Variants in PCLO observed in about 807,000 individuals in gnomAD.
PCLO encodes protein piccolo.
A neutral mutation model predicts 427.5 loss-of-function variants in PCLO; 82 were observed. The ratio of observed to expected loss-of-function variants is 0.19; its 90% CI spans 0.16 to 0.23. The LOEUF is 0.23. Among genes scored for constraint, PCLO ranks in the 10% least tolerant of loss-of-function variants. PCLO has a pLI of 1.00. For synonymous variants in PCLO, 2,357 were observed against 2,155.4 expected (o/e 1.09, Z -2.59); for missense variants, 6,239 against 6,115.9 (o/e 1.02, Z -0.67).
chr7:82,800,317 A>C (rs1034036578), intron 22 of PCLO, among the ~76,000 whole-genome samples: 1 of 152,194 alleles, frequency 6.6e-6, no homozygotes, highest in Non-Finnish European at 1.5e-5. Context: ...ATTGAAACCT[A>C]AACCTGTTTC....
chr7:83,137,265 A>G (rs1791752470), intron 2 of PCLO, among the ~76,000 whole-genome samples: 1 of 152,232 alleles, frequency 6.6e-6, no homozygotes, highest in Admixed American at 6.5e-5. Flanking sequence ...CAGTATCACA[A>G]GGCTTATTTT....
In PCLO at chr7:82,966,201, T is replaced by C. The variant is rs757396529; in HGVS notation, c.3587A>G (p.Glu1196Gly). The change falls in exon 4 of 25, where the codon GAA becomes GGA. Residue 1196 changes from glutamate (E) to glycine (G), a missense_variant. By Grantham distance (98) the Glu-to-Gly change is moderately conservative (BLOSUM62 -2). Around this residue, in one of 5 missense-constraint regions of PCLO, gnomAD observed 4,677 missense variants for 4,468.4 expected, o/e 1.05. Transcript: ENST00000333891. ...PPMVTTDQKQ[E>G]ESKLEKDKAS... ...TTTGTCTTTCTCTAGTTTACTCTCT[T>C]CTTGTTTTTGATCTGTGGTTACCAT... is the stretch of plus-strand genomic sequence containing the variant. The C allele has an allele frequency of 3.7e-6, 6 of 1,611,494 alleles. No homozygotes were observed. Among genetic ancestry groups the C allele is most frequent in the Non-Finnish European group, 5.1e-6 (6 of 1,179,388 alleles).
At position 82,955,747 on chromosome 7, in the gene PCLO, A is replaced by G. The variant is rs975652838; in HGVS notation, c.5206T>C (p.Ser1736Pro). Residue 1736 changes from serine to proline, a missense_variant, in exon 5 of 25, where the codon TCA becomes CCA. By Grantham distance (74) the Ser-to-Pro change is moderately conservative. Around this residue, in one of 5 missense-constraint regions of PCLO, gnomAD observed 4,677 missense variants for 4,468.4 expected, o/e 1.05. Transcript: ENST00000333891. ...CTACTGTCACTGTCCTCATCAAGTG[A>G]TGATACTGATGTAGGGGATGTACCA... ...TPGTSPTSVSSLDEDSDSSPS... is the reference protein window; with the variant it reads ...TPGTSPTSVSPLDEDSDSSPS... 11 of 1,613,774 alleles carry G rather than the reference A, an allele frequency of 6.8e-6. No individual in the cohort carries two copies. In the African/African-American group the frequency reaches 1.5e-4, roughly 22 times the overall value.
chr7:82,892,207 T>C (rs1284983535), intron 9 of PCLO, among the ~76,000 whole-genome samples: 1 of 152,094 alleles, frequency 6.6e-6, no homozygotes, highest in Non-Finnish European at 1.5e-5. Flanking sequence ...CAAAACAACA[T>C]GGTACTGGTA....
intron 8 of PCLO, among the ~76,000 whole-genome samples, chr7:82,903,810 G>T (rs1261485354): frequency 6.6e-6 from 1 of 151,842 alleles, no homozygotes; most frequent in Non-Finnish European, 1.5e-5. Flanking sequence ...AGATAAAACA[G>T]AATTTAGAAC....
chr7:82,848,330 T>C (rs1039025258), intron 10 of PCLO, among the ~76,000 whole-genome samples: 1 of 137,876 alleles, frequency 7.3e-6, no homozygotes, highest in Admixed American at 7.5e-5. Context: ...TTTTTTTTTT[T>C]AAACAGGTCC....
chr7:82,978,847 C>CACACAA (rs1404801828), intron 3 of PCLO, among the ~76,000 whole-genome samples: 22 of 111,942 alleles, frequency 2.0e-4, no homozygotes, highest in African/African-American at 7.9e-4. Context: ...CACACACACA[C>CACACAA]ACACACACAA....
intron 3 of PCLO, among the ~76,000 whole-genome samples, chr7:83,095,181 A>G (rs1188711512): frequency 6.6e-6 from 1 of 152,040 alleles, no homozygotes; most frequent in Admixed American, 6.6e-5. Context: ...TATCATGTGA[A>G]TTACGGGAGT....
Position 83,050,208 on chromosome 7 carries a change from G to GAAAAAAAAAAAAAAAAAAAA in PCLO, c.3301-83741_3301-83722dup. ...TGAACTATTCCTCATCTGAAAAACT[G>GAAAAAAAAAAAAAAAAAAAA]AAAAAAAAAAAAAAAAAAAAAAAAA... is the stretch of plus-strand genomic sequence containing the variant. On this transcript the variant is annotated intron_variant, in intron 3 of 24. Coordinates refer to ENST00000333891, the MANE Select transcript of PCLO (RefSeq NM_033026.6). Among the ~76,000 whole-genome samples, 5 of 5,458 alleles carry GAAAAAAAAAAAAAAAAAAAA rather than the reference G, an allele frequency of 9.2e-4. 1 individual carries two copies. Among genetic ancestry groups the GAAAAAAAAAAAAAAAAAAAA allele is most frequent in the African/African-American group, 1.5e-3 (3 of 2,008 alleles). The allele number at this position is 5,458 out of a possible 152,430, so 3.6% of individuals were successfully genotyped here. A position where few individuals can be genotyped will look rare whatever the true frequency, so the allele number is the denominator to read the frequency against.
At chr7:82,912,340 G>C (rs1214752719) in intron 7 of PCLO, among the ~76,000 whole-genome samples, 4 of 151,610 alleles carry the variant, frequency 2.6e-5, no homozygotes, top group South Asian at 4.2e-4. Context: ...CAAACGAAAA[G>C]TACACCATTA....
In PCLO at chr7:82,826,616, T is replaced by C; in HGVS notation, c.14388A>G (p.Arg4796=). 1.2e-6 allele frequency: 2 copies of C among 1,607,716 alleles called. No individual in the cohort carries two copies. The highest frequency in any genetic ancestry group is 1.7e-6 in the Non-Finnish European group (2 of 1,176,134). The change falls in exon 18 of 25, where the codon AGA becomes AGG. Residue 4796 remains arginine, a synonymous_variant. Coordinates refer to ENST00000333891, the MANE Select transcript of PCLO (RefSeq NM_033026.6). ...TLEVTVWDYD[R]FSSNDFLGEV... is the part of the protein sequence containing the mutation. ...CCCCAAGGAAGTCGTTGGATGAAAA[T>C]CTATCATAATCCCAAACTGTCACCT... is the stretch of plus-strand genomic sequence containing the variant.
At chr7:83,076,328 G>A (rs961674406) in intron 3 of PCLO, among the ~76,000 whole-genome samples, 3 of 151,644 alleles carry the variant, frequency 2.0e-5, no homozygotes, top group African/African-American at 4.8e-5. Context: ...GGAGTGCAGT[G>A]GCAAGATCTC....
chr7:82,845,483 C>A lies in PCLO; in HGVS notation c.13834G>T (p.Asp4612Tyr). Reference sequence around the variant, plus strand: ...TCAACCCCTGGGGATTTCGCCTTATCCACTACAACAAAATGAAAGAGATTT... The same window carrying A: ...TCAACCCCTGGGGATTTCGCCTTATACACTACAACAAAATGAAAGAGATTT... Reference protein sequence around the residue: ...LELHEPPKAVDKAKSPGVDPK... With the variant: ...LELHEPPKAVYKAKSPGVDPK... The change falls in exon 13 of 25, where the codon GAT becomes TAT. Residue 4612 changes from aspartate to tyrosine, a missense_variant and splice_region_variant. This residue lies in a region of PCLO where 877 missense variants were observed against 925.5 expected (regional missense o/e 0.95). Transcript: ENST00000333891. 1 of 1,605,230 alleles carries A rather than the reference C, an allele frequency of 6.2e-7. No homozygotes were observed. The highest frequency in any genetic ancestry group is 8.5e-7 in the Non-Finnish European group (1 of 1,173,528).
In PCLO at chr7:82,953,881, T is replaced by G; in HGVS notation, c.7072A>C (p.Thr2358Pro). Residue 2358 changes from threonine to proline, a missense_variant, in exon 5 of 25, where the codon ACT becomes CCT. Thr to Pro is a conservative substitution (Grantham distance 38). Around this residue, in one of 5 missense-constraint regions of PCLO, gnomAD observed 4,677 missense variants for 4,468.4 expected, o/e 1.05. Transcript: ENST00000333891. ...GTCTCTCCAGATGTAAAGTATGTAG[T>G]TGAAAGCTGCTCTTTCATTGGAAGG... ...IALPMKEQLS[T>P]TYFTSGETFG... 1.2e-6 allele frequency: 2 copies of G among 1,613,866 alleles called. No homozygotes were observed. Among genetic ancestry groups the G allele is most frequent in the Non-Finnish European group, 1.7e-6 (2 of 1,179,790 alleles).
intron 10 of PCLO, among the ~76,000 whole-genome samples, chr7:82,853,181 A>G (rs879706337): frequency 6.6e-6 from 1 of 152,130 alleles, no homozygotes; most frequent in East Asian, 1.9e-4. Flanking sequence ...GATATTTTTT[A>G]AATTATTATT....
Position 82,965,983 on chromosome 7 carries a change from C to T in PCLO, c.3805G>A (p.Val1269Ile), listed in dbSNP as rs1372062961. Residue 1269 changes from valine to isoleucine, a missense_variant, in exon 4 of 25, where the codon GTA becomes ATA. Val to Ile is a conservative substitution (Grantham distance 29, BLOSUM62 3). Transcript: ENST00000333891. Reference protein sequence around the residue: ...EQKHDLLKSQVQIAEEKLEGR... With the variant: ...EQKHDLLKSQIQIAEEKLEGR... ...TCAAGCTTTTCTTCAGCAATTTGTACTTGAGATTTAAGTAAGTCATGTTTC... is the reference window on the plus strand; with the variant it reads ...TCAAGCTTTTCTTCAGCAATTTGTATTTGAGATTTAAGTAAGTCATGTTTC... The T allele has an allele frequency of 3.1e-6, 5 of 1,613,762 alleles. No homozygotes were observed. The highest frequency in any genetic ancestry group is 4.2e-6 in the Non-Finnish European group (5 of 1,179,858).
intron 2 of PCLO, among the ~76,000 whole-genome samples, chr7:83,147,068 T>TAAAAAAAAAAA: frequency 7.6e-6 from 1 of 132,060 alleles, no homozygotes; most frequent in Admixed American, 7.5e-5. Context: ...AAAAAAAAAA[T>TAAAAAAAAAAA]AAAAAAAAAA....
Position 83,073,145 on chromosome 7 carries a change from C to T in PCLO, c.3300+61105G>A, listed in dbSNP as rs111751371. On this transcript the variant is annotated intron_variant, in intron 3 of 24. Transcript: ENST00000333891. ...CATCTAGTGATAGCTGGAAATATTA[C>T]AAGAAGGCAGGAATAATGCCATTCT... is the stretch of plus-strand genomic sequence containing the variant. Among the ~76,000 whole-genome samples the T allele has an allele frequency of 4.9e-3, 749 of 151,932 alleles. 2 individuals are homozygous for T. The highest frequency in any genetic ancestry group is 0.017 in the African/African-American group (701 of 41,478).
chr7:83,088,184 T>C (rs1790287257), intron 3 of PCLO, among the ~76,000 whole-genome samples: 1 of 152,180 alleles, frequency 6.6e-6, no homozygotes, highest in African/African-American at 2.4e-5. Flanking sequence ...CCAACTTGTA[T>C]TTTTTCATTA....
Sources: allele counts gnomAD v4.1 joint callset (sites outside exome capture counted in the v4.1 genomes callset), GRCh38; gene constraint gnomAD v4.1.1; regional missense constraint gnomAD v4.1.1; transcripts MANE v1.5; gene names NCBI Gene and HGNC (gene_info 2026-07-23, HGNC 2026-07-21).